GDPD4: variants seen among roughly 807,000 people sequenced by gnomAD.
GDPD4 encodes the protein glycerophosphodiester phosphodiesterase domain containing 4.
Under a neutral mutation model 67.8 loss-of-function variants are expected in GDPD4, and 60 were observed. The ratio of observed to expected loss-of-function variants is 0.88; its 90% CI spans 0.72 to 1.10. GDPD4 has a LOEUF of 1.10. Ranked by LOEUF, GDPD4 falls within the 50% of genes least tolerant of loss-of-function variation. The probability of loss-of-function intolerance (pLI) is 0.00; values close to 1 mark genes in which losing one functional copy is unlikely to be tolerated. For synonymous variants in GDPD4, 212 were observed against 210.9 expected (o/e 1.00, Z -0.04); for missense variants, 623 against 613.9 (o/e 1.01, Z -0.16).
At chr11:77,238,088 G>C (rs1188309623) in intron 13 of GDPD4, among the ~76,000 whole-genome samples, 1 of 152,098 alleles carries the variant, frequency 6.6e-6, no homozygotes, top group Non-Finnish European at 1.5e-5. Context: ...CAATGAAATA[G>C]GAAAGTAAAG....
rs562281142 is a variant in GDPD4, at chr11:77,247,598, C to A, written c.865-2096G>T. Among the ~76,000 whole-genome samples the A allele has an allele frequency of 2.0e-5, 3 of 152,242 alleles. No homozygotes were observed. The South Asian group carries it at 6.2e-4, about 32-fold the overall frequency. ...GTTTTCAAAAAGCCACAGGAAGTAA[C>A]AAGCTAGAAATGAAAATAAATTTCT... On this transcript the variant is annotated intron_variant, in intron 11 of 16. Coordinates refer to ENST00000315938, the MANE Select transcript of GDPD4 (RefSeq NM_182833.3).
intron 11 of GDPD4, among the ~76,000 whole-genome samples, chr11:77,257,219 T>G (rs957809829): frequency 6.6e-6 from 1 of 152,204 alleles, no homozygotes; most frequent in Non-Finnish European, 1.5e-5. Context: ...GAGATGTTTA[T>G]TTTCAAAATC....
rs1439423712 is a variant in GDPD4 at position 77,287,407 on chromosome 11, G to A, written c.-240C>T. The stretch of plus-strand genomic sequence containing the variant: ...CAATCCTGTTGACCTTCTTAAACAT[G>A]ATTCACCCTTTAGCTGGAAAGACAA... On this transcript the variant is annotated 5_prime_UTR_variant, in exon 2 of 17. Transcript: ENST00000315938. The A allele has an allele frequency of 6.6e-6, 1 of 152,066 alleles. No homozygotes were observed. The highest frequency in any genetic ancestry group is 1.5e-5 in the Non-Finnish European group (1 of 68,018). The allele number at this position is 152,066 out of a possible 1,614,324, so 9.4% of individuals were successfully genotyped here. A position where few individuals can be genotyped will look rare whatever the true frequency, so the allele number is the denominator to read the frequency against.
At chr11:77,225,300 C>CA (rs34996619) in intron 16 of GDPD4, among the ~76,000 whole-genome samples, 2,860 of 120,480 alleles carry the variant, frequency 0.024, 86 homozygotes, top group African/African-American at 0.075. Flanking sequence ...GACTCTGTCT[C>CA]AAAAAAAAAA....
intron 4 of GDPD4, among the ~76,000 whole-genome samples, chr11:77,279,077 A>G (rs1401453614): frequency 6.6e-6 from 1 of 152,222 alleles, no homozygotes; most frequent in Non-Finnish European, 1.5e-5. Flanking sequence ...CAAAGGGCCA[A>G]ACTGGCAAGA....
chr11:77,284,400 T>C (rs939499832), intron 3 of GDPD4, among the ~76,000 whole-genome samples: 1 of 152,182 alleles, frequency 6.6e-6, no homozygotes, highest in African/African-American at 2.4e-5. Flanking sequence ...GCAGATACTA[T>C]ATTTTCTAAC....
chr11:77,296,047 T>C (rs894597386), intron 1 of GDPD4, among the ~76,000 whole-genome samples: 4 of 151,822 alleles, frequency 2.6e-5, no homozygotes, highest in Non-Finnish European at 5.9e-5. Flanking sequence ...GCCAGGAGAT[T>C]GAGACCATCC....
chr11:77,250,819 T>C (rs1216032811), intron 11 of GDPD4, among the ~76,000 whole-genome samples: 3 of 152,206 alleles, frequency 2.0e-5, no homozygotes, highest in Admixed American at 1.3e-4. Context: ...ATTTGCTTTA[T>C]ATGTCTGGGT....
intron 10 of GDPD4, among the ~76,000 whole-genome samples, chr11:77,265,070 T>A (rs1959172094): frequency 6.6e-6 from 1 of 152,100 alleles, no homozygotes; most frequent in Non-Finnish European, 1.5e-5. Flanking sequence ...CCACAATTTG[T>A]CTCTGCCCCC....
intron 1 of GDPD4, among the ~76,000 whole-genome samples, chr11:77,289,973 C>T (rs1218635438): frequency 1.3e-5 from 2 of 152,200 alleles, no homozygotes; most frequent in African/African-American, 4.8e-5. Flanking sequence ...GGAAAAGCAT[C>T]GAAAACCAAT....
chr11:77,248,389 G>C (rs1264499316), intron 11 of GDPD4, among the ~76,000 whole-genome samples: 1 of 151,728 alleles, frequency 6.6e-6, no homozygotes, highest in Non-Finnish European at 1.5e-5. Context: ...TTTTACTAGA[G>C]ACAGGGTTTC....
intron 11 of GDPD4, among the ~76,000 whole-genome samples, chr11:77,248,571 G>T (rs1958826855): frequency 1.3e-5 from 2 of 152,034 alleles, no homozygotes; most frequent in African/African-American, 4.8e-5. Context: ...AAAAAAATCA[G>T]ATCACCAGAG....
At chr11:77,261,945 T>G (rs1306108871) in intron 10 of GDPD4, among the ~76,000 whole-genome samples, 1 of 152,230 alleles carries the variant, frequency 6.6e-6, no homozygotes, top group Non-Finnish European at 1.5e-5. Context: ...GATTTCCTTT[T>G]GGCAAAACAA....
At position 77,237,673 on chromosome 11, in the gene GDPD4, G is replaced by C. The variant is rs115036922; in HGVS notation, c.1242-4501C>G. On this transcript the variant is annotated intron_variant, in intron 13 of 16. Transcript: ENST00000315938. ...TGAAGTAGCTAGAAAATCCTCAAAT[G>C]TTTAAAAAGTTAGCAATACACTTCC... Among the ~76,000 whole-genome samples the C allele has an allele frequency of 8.1e-3, 1,226 of 152,294 alleles. 22 individuals carry two copies. The highest frequency in any genetic ancestry group is 0.027 in the African/African-American group (1,114 of 41,560).
At chr11:77,225,482 C>CTAATCAAGATAGTCT (rs954410276) in intron 16 of GDPD4, among the ~76,000 whole-genome samples, 1 of 152,058 alleles carries the variant, frequency 6.6e-6, no homozygotes, top group African/African-American at 2.4e-5. Context: ...TCAGCAAACC[C>CTAATCAAGATAGTCT]TAATCAAGAT....
chr11:77,224,422 C>T (rs916799205), intron 16 of GDPD4: 1 of 151,982 alleles, frequency 6.6e-6, no homozygotes, highest in Non-Finnish European at 1.5e-5. Context: ...CATTACATTA[C>T]ATAGACTTCA....
At chr11:77,247,305 G>A (rs1958799023) in intron 11 of GDPD4, among the ~76,000 whole-genome samples, 1 of 152,028 alleles carries the variant, frequency 6.6e-6, no homozygotes, top group African/African-American at 2.4e-5. Flanking sequence ...TAAACCAACT[G>A]GTTCACTTAA....
At chr11:77,234,046 C>CTTTTT (rs1440338943) in intron 13 of GDPD4, among the ~76,000 whole-genome samples, 3 of 152,050 alleles carry the variant, frequency 2.0e-5, no homozygotes, top group African/African-American at 7.2e-5. Context: ...CATGTAAATG[C>CTTTTT]CTTCAAAAAA....
chr11:77,258,423 G>C lies in GDPD4; in HGVS notation c.827C>G (p.Ser276Trp), dbSNP rs186975278. ...NPAFFNWDFL[S>W]TLNAGKWFVK... Reference sequence around the variant, plus strand: ...AAACCATTTGCCTGCATTCAGAGTCGATAGGAAATCCCAGTTGAAGAAGGC... The same window carrying C: ...AAACCATTTGCCTGCATTCAGAGTCCATAGGAAATCCCAGTTGAAGAAGGC... Residue 276 changes from serine (S) to tryptophan (W), a missense_variant, in exon 11 of 17, where the codon TCG becomes TGG. By Grantham distance (177) the Ser-to-Trp change is radical. Coordinates refer to ENST00000315938, the MANE Select transcript of GDPD4 (RefSeq NM_182833.3). The C allele has an allele frequency of 1.8e-5, 29 of 1,614,124 alleles. No homozygotes were observed. Among genetic ancestry groups the C allele is most frequent in the Middle Eastern group, 3.3e-4 (2 of 6,062 alleles).
Sources: gnomAD v4.1 joint callset for allele counts (sites outside exome capture counted in the v4.1 genomes callset) on GRCh38, gnomAD v4.1.1 for gene constraint, MANE v1.5 for transcripts, NCBI Gene and HGNC (gene_info 2026-07-23, HGNC 2026-07-21) for gene names.